CDH8: variants seen among roughly 807,000 people sequenced by gnomAD.
The protein encoded by CDH8 is cadherin-8.
In CDH8, 17 loss-of-function variants were observed where a neutral mutation model predicts 68.1. The ratio of observed to expected loss-of-function variants is 0.25; its 90% CI spans 0.17 to 0.37. The LOEUF (loss-of-function observed/expected upper bound fraction) is 0.37. Among genes scored for constraint, CDH8 ranks in the 10% least tolerant of loss-of-function variants. CDH8 has a pLI of 1.00. For missense variants in CDH8, 763 were observed against 999.3 expected (o/e 0.76, Z 3.19); for synonymous variants, 372 against 365.1 (o/e 1.02, Z -0.21).
At chr16:61,990,955 AAAAG>A (rs767523125) in intron 2 of CDH8, among the ~76,000 whole-genome samples, 540 of 151,642 alleles carry the variant, frequency 3.6e-3, no homozygotes, top group African/African-American at 6.5e-3. Context: ...AGAGAGAGAA[AAAAG>A]AAAGAAAGAA....
chr16:61,816,948 T>C (rs1962089231), intron 7 of CDH8, among the ~76,000 whole-genome samples: 1 of 152,006 alleles, frequency 6.6e-6, no homozygotes, highest in African/African-American at 2.4e-5. Flanking sequence ...CTATCAGAAA[T>C]GTCCAAGAAG....
intron 3 of CDH8, among the ~76,000 whole-genome samples, chr16:61,860,931 A>T (rs1963138983): frequency 6.6e-6 from 1 of 152,202 alleles, no homozygotes; most frequent in African/African-American, 2.4e-5. Flanking sequence ...AATAGTTCTG[A>T]CGTCTTCTGA....
intron 4 of CDH8, among the ~76,000 whole-genome samples, chr16:61,844,811 C>A (rs1426026582): frequency 6.6e-6 from 1 of 152,100 alleles, no homozygotes; most frequent in Non-Finnish European, 1.5e-5. Flanking sequence ...AAAAACACGA[C>A]CTGTGGCACA....
intron 10 of CDH8, among the ~76,000 whole-genome samples, chr16:61,665,330 C>T (rs1963643632): frequency 6.6e-6 from 1 of 151,864 alleles, no homozygotes; most frequent in Non-Finnish European, 1.5e-5. Flanking sequence ...CACATATACT[C>T]CATGGAATAC....
intron 2 of CDH8, among the ~76,000 whole-genome samples, chr16:61,992,266 AAAT>A (rs1156870744): frequency 6.6e-6 from 1 of 151,882 alleles, no homozygotes. Flanking sequence ...CAGCCATAAA[AAAT>A]GATGAGTTCA....
At chr16:61,980,262 T>C (rs1372965649) in intron 2 of CDH8, among the ~76,000 whole-genome samples, 1 of 152,198 alleles carries the variant, frequency 6.6e-6, no homozygotes, top group Non-Finnish European at 1.5e-5. Flanking sequence ...ATTCCAAATA[T>C]GGGACTACAA....
chr16:61,740,637 G>C (rs916558173), intron 8 of CDH8, among the ~76,000 whole-genome samples: 8 of 152,010 alleles, frequency 5.3e-5, no homozygotes, highest in Non-Finnish European at 1.0e-4. Context: ...CATAAAGATT[G>C]AATTCATACA....
chr16:61,911,743 C>T (rs1011057039), intron 2 of CDH8, among the ~76,000 whole-genome samples: 3 of 151,388 alleles, frequency 2.0e-5, no homozygotes, highest in African/African-American at 7.3e-5. Context: ...CAGAAGTTTT[C>T]AACAAATAAA....
intron 8 of CDH8, among the ~76,000 whole-genome samples, chr16:61,782,073 A>G (rs1961073240): frequency 6.6e-6 from 1 of 152,148 alleles, no homozygotes. Flanking sequence ...TAAGAAACAA[A>G]CATTCGGAGG....
intron 4 of CDH8, among the ~76,000 whole-genome samples, chr16:61,841,558 C>A (rs946416623): frequency 1.3e-5 from 2 of 152,044 alleles, no homozygotes; most frequent in Non-Finnish European, 2.9e-5. Context: ...GGATTGTTAA[C>A]ATCTAGAAAA....
rs1457978099 is a variant in CDH8, at chr16:61,651,476, A to G, written c.*2132T>C. On this transcript the variant is annotated 3_prime_UTR_variant, in exon 12 of 12. Transcript: ENST00000577390. ...TATTTAAACATGCAGTTTCTGTCAC[A>G]GTGAAGGTGGCCTCTAGAAGTTGGT... 6.6e-6 allele frequency: 1 copy of G among 152,216 alleles called. No individual in the cohort carries two copies. Among genetic ancestry groups the G allele is most frequent in the East Asian group, 1.9e-4 (1 of 5,196 alleles). The allele number at this position is 152,216 out of a possible 1,614,324, so 9.4% of individuals were successfully genotyped here.
chr16:61,683,567 A>G (rs1471466986), intron 10 of CDH8, among the ~76,000 whole-genome samples: 1 of 152,016 alleles, frequency 6.6e-6, no homozygotes, highest in Non-Finnish European at 1.5e-5. Context: ...TAGGTCCTTT[A>G]CAACAAATAC....
chr16:62,003,180 T>G (rs190284492), intron 2 of CDH8, among the ~76,000 whole-genome samples: 1 of 152,340 alleles, frequency 6.6e-6, no homozygotes, highest in East Asian at 1.9e-4. Flanking sequence ...GCATGTAACA[T>G]GCTTAAGTAA....
chr16:61,690,688 A>T (rs1282452263), intron 10 of CDH8, among the ~76,000 whole-genome samples: 1 of 151,936 alleles, frequency 6.6e-6, no homozygotes, highest in East Asian at 1.9e-4. Context: ...GCCAGGTAAC[A>T]CGTTTATTAG....
At chr16:61,976,703 TAA>T (rs1965441132) in intron 2 of CDH8, among the ~76,000 whole-genome samples, 1 of 152,214 alleles carries the variant, frequency 6.6e-6, no homozygotes, top group South Asian at 2.1e-4. Context: ...GGACAGTTTA[TAA>T]TTTGGTGATA....
At chr16:61,893,395 G>A (rs1963811465) in intron 3 of CDH8, among the ~76,000 whole-genome samples, 1 of 150,266 alleles carries the variant, frequency 6.7e-6, no homozygotes, top group Admixed American at 6.6e-5. Flanking sequence ...ACCCAGTACA[G>A]GTAGATGTGT....
At chr16:61,800,545 C>G in intron 7 of CDH8, among the ~76,000 whole-genome samples, 1 of 152,140 alleles carries the variant, frequency 6.6e-6, no homozygotes, top group African/African-American at 2.4e-5. Context: ...ATGACTTCGA[C>G]CCATTAAGGA....
chr16:61,986,289 A>C (rs529833601), intron 2 of CDH8, among the ~76,000 whole-genome samples: 1 of 152,254 alleles, frequency 6.6e-6, no homozygotes, highest in African/African-American at 2.4e-5. Context: ...TGATAATGGA[A>C]TACTACGTAG....
intron 2 of CDH8, among the ~76,000 whole-genome samples, chr16:62,004,474 A>C (rs1278075500): frequency 6.6e-6 from 1 of 152,200 alleles, no homozygotes; most frequent in African/African-American, 2.4e-5. Flanking sequence ...AGGATATTGC[A>C]TAGAAGCTCT....
Sources: gnomAD v4.1 joint callset for allele counts (sites outside exome capture counted in the v4.1 genomes callset) on GRCh38, gnomAD v4.1.1 for gene constraint, MANE v1.5 for transcripts, NCBI Gene and HGNC (gene_info 2026-07-23, HGNC 2026-07-21) for gene names.